Variants in MLLT3 observed in about 807,000 individuals in gnomAD.
The protein encoded by MLLT3 is protein AF-9.
In MLLT3, 4 loss-of-function variants were observed where a neutral mutation model predicts 53.2. The observed-to-expected ratio is 0.08, with a 90% confidence interval of 0.04 to 0.17. The LOEUF (loss-of-function observed/expected upper bound fraction) is 0.17. MLLT3 is among the 10% of genes least tolerant of loss of function. The pLI, the probability that MLLT3 is intolerant of heterozygous loss-of-function variation, is 1.00. For synonymous variants in MLLT3, 283 were observed against 230.6 expected, an observed-to-expected ratio of 1.23 and a Z score of -2.06; for missense variants, 569 against 684.0, an observed-to-expected ratio of 0.83 and a Z score of 1.87.
chr9:20,489,113 A>G (rs1175263712), intron 2 of MLLT3, among the ~76,000 whole-genome samples: 1 of 152,226 alleles, frequency 6.6e-6, no homozygotes, highest in Admixed American at 6.5e-5. Context: ...ACTATTCCAC[A>G]AAGTATATTA....
intron 4 of MLLT3, among the ~76,000 whole-genome samples, chr9:20,417,139 C>T (rs1278636438): frequency 5.4e-5 from 8 of 148,534 alleles, no homozygotes; most frequent in African/African-American, 2.0e-4. Flanking sequence ...TTGTCACTGA[C>T]ACAGAATAAA....
chr9:20,354,735 G>T lies in MLLT3; in HGVS notation c.1503+73C>A, dbSNP rs1821120356. 4.1e-6 allele frequency: 4 copies of T among 982,778 alleles called. No homozygotes were observed. In the East Asian group the frequency reaches 7.2e-5, roughly 18 times the overall value. The allele number at this position is 982,778 out of a possible 1,614,324, so 60.9% of individuals were successfully genotyped here. A position where few individuals can be genotyped will look rare whatever the true frequency, so the allele number is the denominator to read the frequency against. ...AAATGAAAGGAGAACCAGCAAGGAT[G>T]ATCAAGGGCAACACAAAGAAACGGA... On this transcript the variant is annotated intron_variant, in intron 9 of 10. Transcript: ENST00000380338.
At chr9:20,569,752 T>A (rs931058675) in intron 2 of MLLT3, among the ~76,000 whole-genome samples, 1 of 152,190 alleles carries the variant, frequency 6.6e-6, no homozygotes, top group Non-Finnish European at 1.5e-5. Flanking sequence ...TCTATGACTT[T>A]GGGCACGTCA....
intron 4 of MLLT3, among the ~76,000 whole-genome samples, chr9:20,437,797 C>A (rs1429877200): frequency 1.9e-4 from 29 of 152,230 alleles, no homozygotes; most frequent in Admixed American, 1.9e-3. Flanking sequence ...TCAAAATCAT[C>A]AGAAAGGAAA....
At chr9:20,456,444 C>T (rs1484346301) in intron 3 of MLLT3, among the ~76,000 whole-genome samples, 1 of 152,032 alleles carries the variant, frequency 6.6e-6, no homozygotes, top group African/African-American at 2.4e-5. Context: ...TTATCTTTTC[C>T]AAAATGGTAA....
chr9:20,555,800 A>T (rs536878781), intron 2 of MLLT3, among the ~76,000 whole-genome samples: 11 of 152,312 alleles, frequency 7.2e-5, no homozygotes, highest in Middle Eastern at 3.4e-3. Context: ...ATAAATAAAT[A>T]AGAAACATTT....
chr9:20,440,678 G>A (rs1332332097), intron 4 of MLLT3, among the ~76,000 whole-genome samples: 2 of 152,084 alleles, frequency 1.3e-5, no homozygotes, highest in East Asian at 1.9e-4. Context: ...TAAAGAGCTA[G>A]TACCTAAGCA....
At chr9:20,565,615 A>G (rs4977258) in intron 2 of MLLT3, among the ~76,000 whole-genome samples, 127,973 of 151,802 alleles carry the variant, frequency 0.84, 54,297 homozygotes, top group Middle Eastern at 0.94. Context: ...TTTTTAAAAC[A>G]TGCCCAGGTT....
chr9:20,594,816 T>C (rs1820215047), intron 2 of MLLT3, among the ~76,000 whole-genome samples: 1 of 152,118 alleles, frequency 6.6e-6, no homozygotes, highest in Admixed American at 6.6e-5. Context: ...AGTTTACAAA[T>C]GCCACAGCAA....
intron 5 of MLLT3, among the ~76,000 whole-genome samples, chr9:20,394,849 A>T (rs1338189345): frequency 6.6e-6 from 1 of 152,122 alleles, no homozygotes; most frequent in Non-Finnish European, 1.5e-5. Flanking sequence ...ATCTTGGCTT[A>T]TTTCAACTTT....
intron 2 of MLLT3, among the ~76,000 whole-genome samples, chr9:20,579,464 G>A (rs1246137198): frequency 6.6e-6 from 1 of 151,868 alleles, no homozygotes; most frequent in Non-Finnish European, 1.5e-5. Flanking sequence ...CGAGAAACAA[G>A]AGGAAATGTC....
At chr9:20,356,866 T>C (rs1459694697) in intron 8 of MLLT3, among the ~76,000 whole-genome samples, 2 of 152,186 alleles carry the variant, frequency 1.3e-5, no homozygotes, top group African/African-American at 4.8e-5. Flanking sequence ...TCTTCTGAAG[T>C]TGCAGTGGCA....
intron 2 of MLLT3, among the ~76,000 whole-genome samples, chr9:20,482,678 T>C (rs1049769640): frequency 3.3e-5 from 5 of 152,144 alleles, no homozygotes; most frequent in African/African-American, 7.2e-5. Flanking sequence ...TTCCAATAAG[T>C]CCTAAAGGAG....
chr9:20,571,339 T>C (rs1287893953), intron 2 of MLLT3, among the ~76,000 whole-genome samples: 1 of 152,162 alleles, frequency 6.6e-6, no homozygotes, highest in Non-Finnish European at 1.5e-5. Context: ...AGTGATGACC[T>C]ATTAATAGGA....
chr9:20,403,127 A>C (rs1048947561), intron 5 of MLLT3, among the ~76,000 whole-genome samples: 7 of 152,070 alleles, frequency 4.6e-5, no homozygotes, highest in African/African-American at 1.7e-4. Context: ...TAAAAAAAAA[A>C]AAACAATGAG....
chr9:20,552,534 T>C (rs1818949554), intron 2 of MLLT3, among the ~76,000 whole-genome samples: 1 of 152,110 alleles, frequency 6.6e-6, no homozygotes. Context: ...TTGTTGTTGT[T>C]GTTGGGGCAG....
chr9:20,357,724 C>T (rs1821204226), intron 8 of MLLT3, among the ~76,000 whole-genome samples: 1 of 152,158 alleles, frequency 6.6e-6, no homozygotes, highest in Non-Finnish European at 1.5e-5. Flanking sequence ...TTCCCCTCTT[C>T]TCTAGTCCCT....
At chr9:20,470,372 TA>T (rs570761232) in intron 2 of MLLT3, among the ~76,000 whole-genome samples, 5 of 151,842 alleles carry the variant, frequency 3.3e-5, no homozygotes, top group Non-Finnish European at 7.4e-5. Context: ...TGTGTTTTAT[TA>T]AAAAAAATTG....
At chr9:20,570,239 G>T (rs1160826997) in intron 2 of MLLT3, among the ~76,000 whole-genome samples, 3 of 152,244 alleles carry the variant, frequency 2.0e-5, no homozygotes, top group Middle Eastern at 3.4e-3. Context: ...AGCAGCCAGA[G>T]ATTGTTTTAT....
Sources: allele counts gnomAD v4.1 joint callset (sites outside exome capture counted in the v4.1 genomes callset), GRCh38; gene constraint gnomAD v4.1.1; transcripts MANE v1.5; gene names NCBI Gene and HGNC (gene_info 2026-07-23, HGNC 2026-07-21).